ZFHX3: variants seen among roughly 807,000 people sequenced by gnomAD.
The protein encoded by ZFHX3 is zinc finger homeobox 3.
In ZFHX3, 42 loss-of-function variants were observed where a neutral mutation model predicts 279.1. The observed-to-expected ratio is 0.15, with a 90% CI of 0.12 to 0.19. The LOEUF (loss-of-function observed/expected upper bound fraction) is 0.19, where lower values mean the gene tolerates loss of function less well. Among genes scored for constraint, ZFHX3 ranks in the 10% least tolerant of loss-of-function variants. The pLI is 1.00. For synonymous variants in ZFHX3, 2,293 were observed against 1,957.8 expected (o/e 1.17, Z -4.52); for missense variants, 4,981 against 4,754.0 (o/e 1.05, Z -1.40).
At position 73,277,741 on chromosome 16, in the gene ZFHX3, G is replaced by A. The variant is rs532312749; in HGVS notation, c.-1193-20605C>T. ...CCATTCTCGCATTGCTATAATACTC[G>A]GGACTGAGTAATTTTTAAAGAAAAG... On this transcript the variant is annotated intron_variant, in intron 4 of 17. Coordinates refer to the ZFHX3 transcript ENST00000641206. Among the ~76,000 whole-genome samples, 7 of 152,216 alleles carry A rather than the reference G, an allele frequency of 4.6e-5. No homozygotes were observed. The South Asian group carries it at 6.2e-4, about 14-fold the overall frequency.
At chr16:73,166,613 T>C (rs555338473) in intron 5 of ZFHX3, among the ~76,000 whole-genome samples, 82 of 152,072 alleles carry the variant, frequency 5.4e-4, no homozygotes, top group Non-Finnish European at 1.0e-3. Flanking sequence ...TGCTGCATGG[T>C]TACCCTTGTC....
intron 5 of ZFHX3, among the ~76,000 whole-genome samples, chr16:73,236,137 T>G (rs1345759641): frequency 6.6e-6 from 1 of 152,234 alleles, no homozygotes; most frequent in Admixed American, 6.5e-5. Flanking sequence ...ATATAGATAT[T>G]AGCAAGGACA....
rs1043556051 is a variant in ZFHX3 at position 72,985,722 on chromosome 16, C to T, written c.-49-25528G>A. ...TCTCCTGGACGCTCTCAGATACAAGCTGTGTTGAACTCACTAGCAGCTGTC... is the reference window on the plus strand; with the variant it reads ...TCTCCTGGACGCTCTCAGATACAAGTTGTGTTGAACTCACTAGCAGCTGTC... On this transcript the variant is annotated intron_variant, in intron 1 of 9. Transcript: ENST00000268489. Among the ~76,000 whole-genome samples, 3 of 152,144 alleles carry T rather than the reference C, an allele frequency of 2.0e-5. No homozygotes were observed. The East Asian group carries it at 5.8e-4, about 29-fold the overall frequency.
intron 1 of ZFHX3, among the ~76,000 whole-genome samples, chr16:73,816,739 A>G (rs2142343590): frequency 6.6e-6 from 1 of 152,326 alleles, no homozygotes; most frequent in East Asian, 1.9e-4. Flanking sequence ...GAATGGATTC[A>G]GAACTGGTCA....
chr16:73,318,398 C>G (rs1472558909), intron 3 of ZFHX3: 2 of 152,288 alleles, frequency 1.3e-5, no homozygotes, highest in South Asian at 2.1e-4. Context: ...CTTCTCTCCC[C>G]TGGACCTAAA....
chr16:73,618,228 G>T (rs1430771785), intron 2 of ZFHX3, among the ~76,000 whole-genome samples: 1 of 152,118 alleles, frequency 6.6e-6, no homozygotes, highest in Admixed American at 6.6e-5. Context: ...TAAGAGGTTA[G>T]GTGACCATCA....
At chr16:73,224,030 A>C (rs895997608) in intron 5 of ZFHX3, among the ~76,000 whole-genome samples, 3 of 152,166 alleles carry the variant, frequency 2.0e-5, no homozygotes, top group African/African-American at 7.2e-5. Flanking sequence ...GGGAGGAGGG[A>C]GGGATGAGTA....
intron 2 of ZFHX3, among the ~76,000 whole-genome samples, chr16:73,586,086 A>G (rs1038491512): frequency 6.6e-6 from 1 of 152,152 alleles, no homozygotes; most frequent in Admixed American, 6.6e-5. Context: ...TTTTTAATAG[A>G]CATATTAAAA....
rs183413928 is a variant in ZFHX3 at position 72,848,343 on chromosome 16, C to G, written c.3449-18484G>C. Among the ~76,000 whole-genome samples, 13 of 152,284 alleles carry G rather than the reference C, an allele frequency of 8.5e-5. No individual in the cohort carries two copies. The East Asian group carries it at 2.5e-3, about 29-fold the overall frequency. ...ACGAGCCCTATTGATCTGCCGCACA[C>G]TCGGTGCCTTCAAAGTTGTTTATGA... is the stretch of plus-strand genomic sequence containing the variant. On this transcript the variant is annotated intron_variant, in intron 4 of 9. Transcript: ENST00000268489.
chr16:73,886,616 C>T (rs1254773467), intron 1 of ZFHX3, among the ~76,000 whole-genome samples: 2 of 152,186 alleles, frequency 1.3e-5, no homozygotes, highest in Non-Finnish European at 2.9e-5. Context: ...AGTATCACAA[C>T]ACAAATGTGC....
intron 4 of ZFHX3, among the ~76,000 whole-genome samples, chr16:73,317,127 TCTTA>T (rs2015468330): frequency 6.6e-6 from 1 of 151,948 alleles, no homozygotes; most frequent in African/African-American, 2.4e-5. Context: ...ATAAGATTAT[TCTTA>T]AGAGGGGGGT....
At chr16:73,040,498 T>C (rs1415302863) in intron 1 of ZFHX3, among the ~76,000 whole-genome samples, 6 of 151,970 alleles carry the variant, frequency 3.9e-5, no homozygotes, top group African/African-American at 9.7e-5. Flanking sequence ...AGGTGGGTCA[T>C]TGAGTAGGCT....
intron 4 of ZFHX3, among the ~76,000 whole-genome samples, chr16:72,869,391 T>C (rs1431236907): frequency 4.0e-5 from 6 of 149,284 alleles, no homozygotes; most frequent in Non-Finnish European, 8.9e-5. Flanking sequence ...GTTTTTTTTT[T>C]CTTAAATAAA....
At chr16:73,781,615 G>A (rs1273786921) in intron 1 of ZFHX3, among the ~76,000 whole-genome samples, 1 of 152,184 alleles carries the variant, frequency 6.6e-6, no homozygotes, top group Non-Finnish European at 1.5e-5. Flanking sequence ...GAAGAATTGT[G>A]CTGACTTTCA....
intron 3 of ZFHX3, among the ~76,000 whole-genome samples, chr16:72,900,351 C>T (rs2039004503): frequency 6.6e-6 from 1 of 152,128 alleles, no homozygotes; most frequent in Non-Finnish European, 1.5e-5. Context: ...ATCTCCAATC[C>T]CATGACAGTC....
chr16:73,186,295 C>A (rs573232978), intron 5 of ZFHX3, among the ~76,000 whole-genome samples: 4 of 152,262 alleles, frequency 2.6e-5, no homozygotes, highest in Admixed American at 1.3e-4. Context: ...GTCCCTGGTG[C>A]CAAAAAGATT....
At chr16:73,021,734 G>C (rs990550434) in intron 1 of ZFHX3, among the ~76,000 whole-genome samples, 2 of 151,006 alleles carry the variant, frequency 1.3e-5, no homozygotes, top group Non-Finnish European at 2.9e-5. Context: ...AGGAGGCTGA[G>C]GCAGGAGAAT....
chr16:72,947,521 A>C (rs1960747239), intron 3 of ZFHX3, among the ~76,000 whole-genome samples: 1 of 152,162 alleles, frequency 6.6e-6, no homozygotes, highest in Non-Finnish European at 1.5e-5. Context: ...TCTCCTGAGA[A>C]TGCAGCTCTG....
intron 2 of ZFHX3, among the ~76,000 whole-genome samples, chr16:73,563,170 T>TGTGTGTG (rs1491136680): frequency 1.5e-5 from 2 of 134,926 alleles, no homozygotes; most frequent in Admixed American, 1.5e-4. Context: ...TTTTGTTTTG[T>TGTGTGTG]TGTGTGTGTG....
Sources: allele counts gnomAD v4.1 joint callset (sites outside exome capture counted in the v4.1 genomes callset), GRCh38; gene constraint gnomAD v4.1.1; transcripts MANE v1.5; gene names NCBI Gene and HGNC (gene_info 2026-07-23, HGNC 2026-07-21).